The following NFIB variants were observed in gnomAD, a reference collection of about 807,000 sequenced individuals.
The protein encoded by NFIB is nuclear factor 1 B-type.
A neutral mutation model predicts 61.5 loss-of-function variants in NFIB; 11 were observed. The ratio of observed to expected loss-of-function variants is 0.18; its 90% CI spans 0.11 to 0.30. NFIB has a LOEUF of 0.30. Among genes scored for constraint, NFIB ranks in the 10% least tolerant of loss-of-function variants. The pLI is 1.00. For synonymous variants in NFIB, 260 were observed against 216.5 expected (o/e 1.20, Z -1.76); for missense variants, 471 against 608.9 (o/e 0.77, Z 2.38).
chr9:14,229,351 G>A (rs778568493), intron 2 of NFIB, among the ~76,000 whole-genome samples: 13 of 152,094 alleles, frequency 8.5e-5, no homozygotes, highest in Non-Finnish European at 1.5e-4. Flanking sequence ...GTCTAAAGAC[G>A]ATGGCCTTAT....
intron 10 of NFIB, among the ~76,000 whole-genome samples, chr9:14,088,933 A>C (rs902415948): frequency 6.6e-6 from 1 of 152,180 alleles, no homozygotes; most frequent in Admixed American, 6.6e-5. Context: ...TACCTTAATC[A>C]GAGTTTTTTA....
the NFIB span, among the ~76,000 whole-genome samples, chr9:14,493,366 T>C: frequency 4.0e-5 from 6 of 150,722 alleles, no homozygotes; most frequent in Non-Finnish European, 7.4e-5. Context: ...GCAGAAGCAT[T>C]TTTTTTTTGC....
intron 2 of NFIB, among the ~76,000 whole-genome samples, chr9:14,206,374 G>T (rs929148919): frequency 6.6e-5 from 10 of 151,772 alleles, no homozygotes; most frequent in Non-Finnish European, 1.2e-4. Flanking sequence ...TCACCATGCT[G>T]CCCAGGCTGG....
chr9:14,085,527 A>T lies in NFIB; in HGVS notation c.*2782T>A, dbSNP rs2032727256. ...GGTTTAATTCATCCACAGGAAGATTAATTGCTTAAAATTCTATATTTCCCT... is the reference window on the plus strand; with the variant it reads ...GGTTTAATTCATCCACAGGAAGATTTATTGCTTAAAATTCTATATTTCCCT... On this transcript the variant is annotated 3_prime_UTR_variant, in exon 11 of 11. Coordinates refer to ENST00000380953, the MANE Select transcript of NFIB (RefSeq NM_001190737.2). 4.6e-6 allele frequency: 1 copy of T among 219,464 alleles called. No homozygotes were observed. The allele number at this position is 219,464 out of a possible 1,614,324, so 13.6% of individuals were successfully genotyped here. A position where few individuals can be genotyped will look rare whatever the true frequency, so the allele number is the denominator to read the frequency against.
intron 1 of NFIB, among the ~76,000 whole-genome samples, chr9:14,312,682 G>A (rs1384630055): frequency 6.6e-6 from 1 of 152,046 alleles, no homozygotes; most frequent in African/African-American, 2.4e-5. Context: ...TTATTCCTAA[G>A]GTCTTAGGAC....
At chr9:14,262,632 G>A (rs1210728334) in intron 2 of NFIB, among the ~76,000 whole-genome samples, 3 of 149,178 alleles carry the variant, frequency 2.0e-5, no homozygotes, top group East Asian at 1.9e-4. Flanking sequence ...GGCTTATAAC[G>A]GCTAGGGTTT....
At chr9:14,482,074 C>A in the NFIB span, among the ~76,000 whole-genome samples, 1 of 139,464 alleles carries the variant, frequency 7.2e-6, no homozygotes, top group Non-Finnish European at 1.6e-5. Flanking sequence ...CCCACCCCCC[C>A]ACCCCAAATG....
At chr9:14,245,368 A>G (rs1292652093) in intron 2 of NFIB, among the ~76,000 whole-genome samples, 1 of 152,006 alleles carries the variant, frequency 6.6e-6, no homozygotes, top group South Asian at 2.1e-4. Flanking sequence ...CTTTCACAGA[A>G]GTCTTAGCTT....
At chr9:14,155,595 C>A (rs1284189447) in intron 4 of NFIB, among the ~76,000 whole-genome samples, 1 of 152,108 alleles carries the variant, frequency 6.6e-6, no homozygotes, top group Non-Finnish European at 1.5e-5. Context: ...AATAACATGG[C>A]AATCAGAAAA....
chr9:14,093,821 G>A (rs1006460271), intron 10 of NFIB, among the ~76,000 whole-genome samples: 4 of 151,966 alleles, frequency 2.6e-5, no homozygotes, highest in Admixed American at 2.0e-4. Context: ...TGCAGATTAC[G>A]TCTTGTGAAA....
chr9:14,393,819 T>C (rs889315333), intron 1 of NFIB, among the ~76,000 whole-genome samples: 3 of 152,208 alleles, frequency 2.0e-5, no homozygotes, highest in Non-Finnish European at 4.4e-5. Context: ...TATTGGTTTG[T>C]TTTTGTATAA....
the NFIB span, among the ~76,000 whole-genome samples, chr9:14,436,933 A>AATACAT: frequency 0.049 from 7,453 of 152,196 alleles, 590 homozygotes; most frequent in African/African-American, 0.17. Flanking sequence ...CCCGGAAGGA[A>AATACAT]ATTTCCTTAA....
chr9:14,280,306 T>C (rs2058284690), intron 2 of NFIB, among the ~76,000 whole-genome samples: 1 of 152,132 alleles, frequency 6.6e-6, no homozygotes, highest in African/African-American at 2.4e-5. Flanking sequence ...GAGATACTAA[T>C]AGATCTTGCC....
intron 3 of NFIB, among the ~76,000 whole-genome samples, chr9:14,175,163 A>ATTTTTTTTTTTTT (rs375736787): frequency 4.9e-5 from 5 of 102,158 alleles, no homozygotes; most frequent in Non-Finnish European, 5.7e-5. Context: ...GACTTAAAGA[A>ATTTTTTTTTTTTT]TTTCTTTTTT....
At chr9:14,093,168 G>A (rs2034220136) in intron 10 of NFIB, among the ~76,000 whole-genome samples, 1 of 152,004 alleles carries the variant, frequency 6.6e-6, no homozygotes, top group African/African-American at 2.4e-5. Flanking sequence ...TTATTTGGAG[G>A]TGATGAAACA....
intron 3 of NFIB, among the ~76,000 whole-genome samples, chr9:14,177,943 A>G (rs1487363302): frequency 2.0e-5 from 3 of 152,188 alleles, no homozygotes; most frequent in Admixed American, 6.5e-5. Flanking sequence ...TTATTTATTC[A>G]GCTCAAGTAG....
the NFIB span, among the ~76,000 whole-genome samples, chr9:14,422,708 C>A: frequency 6.6e-6 from 1 of 152,300 alleles, no homozygotes; most frequent in Admixed American, 6.5e-5. Flanking sequence ...ATCTCTTTGG[C>A]TAGAAGAATA....
intron 1 of NFIB, chr9:14,398,496 TG>T (rs1396705052): frequency 6.7e-7 from 1 of 1,493,544 alleles, no homozygotes; most frequent in South Asian, 1.2e-5. Context: ...AAAGAAAAAC[TG>T]GTTAAATTTG....
At chr9:14,279,803 A>G (rs549990837) in intron 2 of NFIB, among the ~76,000 whole-genome samples, 1 of 152,278 alleles carries the variant, frequency 6.6e-6, no homozygotes, top group East Asian at 1.9e-4. Flanking sequence ...AAAGCTCCCA[A>G]ATGTAAACAA....
Sources: gnomAD v4.1 joint callset for allele counts (sites outside exome capture counted in the v4.1 genomes callset) on GRCh38, gnomAD v4.1.1 for gene constraint, MANE v1.5 for transcripts, NCBI Gene and HGNC (gene_info 2026-07-23, HGNC 2026-07-21) for gene names.